ARL15: variants seen among roughly 807,000 people sequenced by gnomAD.
The protein encoded by ARL15 is ARF like GTPase 15.
A neutral mutation model predicts 25.2 loss-of-function variants in ARL15; 19 were observed. The ratio of observed to expected loss-of-function variants is 0.75; its 90% CI spans 0.53 to 1.10. ARL15 has a LOEUF of 1.10. Ranked by LOEUF, ARL15 falls within the 50% of genes least tolerant of loss-of-function variation. The pLI is 0.00. For synonymous variants in ARL15, 94 were observed against 86.8 expected (o/e 1.08, Z -0.46); for missense variants, 220 against 246.0 (o/e 0.89, Z 0.71).
chr5:53,957,436 T>C (rs529006154), intron 4 of ARL15, among the ~76,000 whole-genome samples: 5 of 151,600 alleles, frequency 3.3e-5, no homozygotes, highest in Admixed American at 2.6e-4. Context: ...TTGCTTTTAG[T>C]AGACCTCCCT....
intron 1 of ARL15, among the ~76,000 whole-genome samples, chr5:54,289,594 C>A (rs1214334086): frequency 6.6e-6 from 1 of 151,964 alleles, no homozygotes; most frequent in Non-Finnish European, 1.5e-5. Flanking sequence ...TATTGAGAAG[C>A]AGTTCTGGGA....
intron 4 of ARL15, among the ~76,000 whole-genome samples, chr5:54,077,859 T>C (rs1009492007): frequency 6.6e-6 from 1 of 152,208 alleles, no homozygotes; most frequent in Admixed American, 6.5e-5. Context: ...TTTCAAGGGA[T>C]ATTTTACAAT....
chr5:53,900,296 T>C (rs2111935671), intron 4 of ARL15, among the ~76,000 whole-genome samples: 1 of 152,294 alleles, frequency 6.6e-6, no homozygotes, highest in South Asian at 2.1e-4. Context: ...CACAAACCCC[T>C]GAATCAAGCT....
At chr5:53,899,347 C>CAAAAAAAAAAAAA (rs59145507) in intron 4 of ARL15, among the ~76,000 whole-genome samples, 2 of 89,396 alleles carry the variant, frequency 2.2e-5, no homozygotes, top group African/African-American at 1.1e-4. Flanking sequence ...GACTCTATCC[C>CAAAAAAAAAAAAA]AAAAAAAAAA....
intron 1 of ARL15, among the ~76,000 whole-genome samples, chr5:54,206,270 G>T (rs1755866514): frequency 6.6e-6 from 1 of 152,154 alleles, no homozygotes; most frequent in Non-Finnish European, 1.5e-5. Context: ...TTCTGAGTTT[G>T]TACTCTTCAT....
At chr5:54,146,825 T>C (rs1424234110) in intron 3 of ARL15, among the ~76,000 whole-genome samples, 1 of 152,152 alleles carries the variant, frequency 6.6e-6, no homozygotes, top group Non-Finnish European at 1.5e-5. Flanking sequence ...TTAGAAAAAG[T>C]GGACCCTTAA....
intron 3 of ARL15, among the ~76,000 whole-genome samples, chr5:54,116,790 C>A (rs279744): frequency 0.25 from 37,355 of 151,988 alleles, 5,671 homozygotes; most frequent in Admixed American, 0.37. Context: ...AAACACAAAA[C>A]GATTATGTAA....
intron 1 of ARL15, among the ~76,000 whole-genome samples, chr5:54,198,005 A>C (rs2112474181): frequency 6.6e-6 from 1 of 151,990 alleles, no homozygotes; most frequent in East Asian, 1.9e-4. Flanking sequence ...GCAAATCAAT[A>C]AATGTAATCC....
rs545092033 is a variant in ARL15, at chr5:54,158,486, T to C, written c.194-3847A>G. 3.3e-5 allele frequency among the ~76,000 whole-genome samples: 5 copies of C among 152,318 alleles called. No individual in the cohort carries two copies. In the East Asian group the frequency reaches 9.6e-4, roughly 29 times the overall value. On this transcript the variant is annotated intron_variant, in intron 2 of 4. Transcript: ENST00000504924. ...GTATTCTGTAGGTCAGTGCTTGGCA[T>C]ACAATAGGATCTCAATATGCTAAGT...
intron 4 of ARL15, among the ~76,000 whole-genome samples, chr5:54,045,829 C>T (rs552304208): frequency 1.3e-5 from 2 of 152,300 alleles, no homozygotes; most frequent in African/African-American, 4.8e-5. Context: ...CAGTGGACTA[C>T]AAAGAGCCAA....
intron 4 of ARL15, among the ~76,000 whole-genome samples, chr5:53,930,700 A>T (rs1490355944): frequency 6.6e-6 from 1 of 152,168 alleles, no homozygotes; most frequent in African/African-American, 2.4e-5. Flanking sequence ...TGAACAGGAA[A>T]CTAAGGAGGA....
chr5:54,157,421 AT>A (rs936019833), intron 2 of ARL15, among the ~76,000 whole-genome samples: 1 of 151,712 alleles, frequency 6.6e-6, no homozygotes, highest in Admixed American at 6.6e-5. Flanking sequence ...TTATTATTTT[AT>A]TTTTTTTGAG....
At chr5:54,221,505 A>C (rs539860251) in intron 1 of ARL15, among the ~76,000 whole-genome samples, 13 of 151,990 alleles carry the variant, frequency 8.6e-5, no homozygotes, top group African/African-American at 2.7e-4. Flanking sequence ...TCTTTCCTTT[A>C]TTTCTTTCAA....
At chr5:54,222,945 G>A (rs77304245) in intron 1 of ARL15, among the ~76,000 whole-genome samples, 2,354 of 150,074 alleles carry the variant, frequency 0.016, 63 homozygotes, top group African/African-American at 0.051. Context: ...TCAGCCTCCC[G>A]AGCAGCCAGG....
chr5:54,172,046 A>G, intron 1 of ARL15, 118 bp from the exon 2 acceptor site: 1 of 1,255,082 alleles, frequency 8.0e-7, no homozygotes, highest in Non-Finnish European at 1.1e-6. Flanking sequence ...ATTACCTATA[A>G]GGAAGAAAAC....
At chr5:54,181,436 G>C (rs1157789946) in intron 1 of ARL15, among the ~76,000 whole-genome samples, 1 of 152,050 alleles carries the variant, frequency 6.6e-6, no homozygotes, top group East Asian at 1.9e-4. Flanking sequence ...TTTTCCTAAA[G>C]AGCAAAGTAA....
intron 4 of ARL15, among the ~76,000 whole-genome samples, chr5:53,915,154 T>C (rs1359588003): frequency 1.3e-5 from 2 of 152,230 alleles, no homozygotes; most frequent in South Asian, 2.1e-4. Context: ...TCCCTTGTCC[T>C]TGCCTTCTGA....
chr5:53,910,674 A>AT lies in ARL15; in HGVS notation c.463-23962_463-23961insA, dbSNP rs1374904754. ...ATATATATATATATATATATATATA[A>AT]AGAAAACGTCTTCTTAGAATTATGC... On this transcript the variant is annotated intron_variant, in intron 4 of 4. Coordinates refer to ENST00000504924, the MANE Select transcript of ARL15 (RefSeq NM_019087.3). 1.9e-4 allele frequency among the ~76,000 whole-genome samples: 17 copies of AT among 87,746 alleles called. 1 individual carries two copies. Among genetic ancestry groups the AT allele is most frequent in the African/African-American group, 8.8e-4 (15 of 16,960 alleles). 57.6% of individuals were successfully genotyped at this position (87,746 alleles called of 152,430 possible). A position where few individuals can be genotyped will look rare whatever the true frequency, so the allele number is the denominator to read the frequency against.
At chr5:54,239,567 G>A (rs1247490887) in intron 1 of ARL15, among the ~76,000 whole-genome samples, 2 of 152,088 alleles carry the variant, frequency 1.3e-5, no homozygotes. Flanking sequence ...GAGTACATAG[G>A]CTTATGTGTT....
Sources: allele counts gnomAD v4.1 joint callset (sites outside exome capture counted in the v4.1 genomes callset), GRCh38; gene constraint gnomAD v4.1.1; transcripts MANE v1.5; gene names NCBI Gene and HGNC (gene_info 2026-07-23, HGNC 2026-07-21).